CDK14: variants seen among roughly 807,000 people sequenced by gnomAD.
CDK14 encodes the protein cyclin dependent kinase 14.
Under a neutral mutation model 60.7 loss-of-function variants are expected in CDK14, and 34 were observed. That is an observed-to-expected ratio of 0.56 (90% CI 0.43 to 0.75). The LOEUF is 0.75. Among genes scored for constraint, CDK14 ranks in the 30% least tolerant of loss-of-function variants. CDK14 has a pLI of 0.00. For synonymous variants in CDK14, 197 were observed against 203.7 expected (o/e 0.97, Z 0.28); for missense variants, 482 against 564.1 (o/e 0.85, Z 1.47).
At chr7:90,613,856 A>G (rs1045943628) in intron 2 of CDK14, among the ~76,000 whole-genome samples, 3 of 151,922 alleles carry the variant, frequency 2.0e-5, no homozygotes, top group Non-Finnish European at 2.9e-5. Flanking sequence ...AAATTTTTAT[A>G]TTGCTGGGTT....
intron 5 of CDK14, among the ~76,000 whole-genome samples, chr7:90,825,595 C>T (rs375423296): frequency 2.6e-5 from 4 of 152,076 alleles, no homozygotes; most frequent in African/African-American, 7.2e-5. Flanking sequence ...AAACTGTTAT[C>T]GTGGCAGGGA....
Position 91,066,047 on chromosome 7 carries a change from G to C in CDK14, c.1106-13385G>C, listed in dbSNP as rs926588489. On this transcript the variant is annotated intron_variant, in intron 11 of 14. Transcript: ENST00000380050. ...ATGAAGCGCCCTTCAGTGTGGCCACGGCTTTTTGCTTAAATCATTGCTACT... is the reference window on the plus strand; with the variant it reads ...ATGAAGCGCCCTTCAGTGTGGCCACCGCTTTTTGCTTAAATCATTGCTACT... Among the ~76,000 whole-genome samples, 3 of 152,072 alleles carry C rather than the reference G, an allele frequency of 2.0e-5. No individual in the cohort carries two copies. In the South Asian group the frequency reaches 6.2e-4, roughly 32 times the overall value.
At chr7:90,846,590 A>C (rs767820388) in intron 5 of CDK14, among the ~76,000 whole-genome samples, 1 of 152,106 alleles carries the variant, frequency 6.6e-6, no homozygotes, top group Non-Finnish European at 1.5e-5. Flanking sequence ...TTATTTATTG[A>C]GGTAGTAAGA....
intron 5 of CDK14, among the ~76,000 whole-genome samples, chr7:90,819,208 A>G (rs1040456172): frequency 1.3e-5 from 2 of 152,206 alleles, no homozygotes; most frequent in African/African-American, 4.8e-5. Context: ...ATTTGAGATG[A>G]CAGTCAAGAA....
intron 14 of CDK14, among the ~76,000 whole-genome samples, chr7:91,149,094 A>C (rs990279044): frequency 6.6e-6 from 1 of 152,182 alleles, no homozygotes; most frequent in African/African-American, 2.4e-5. Flanking sequence ...GAATCATTGC[A>C]ATATACAAGC....
chr7:90,698,730 A>G (rs1801717831), intron 2 of CDK14, among the ~76,000 whole-genome samples: 1 of 152,204 alleles, frequency 6.6e-6, no homozygotes, highest in African/African-American at 2.4e-5. Flanking sequence ...TTGACTCTTG[A>G]TGAGTGTTCC....
At chr7:91,038,665 C>T (rs557355188) in intron 10 of CDK14, among the ~76,000 whole-genome samples, 1 of 152,310 alleles carries the variant, frequency 6.6e-6, no homozygotes, top group South Asian at 2.1e-4. Flanking sequence ...CTTGTATCCA[C>T]ACCTAAATCT....
chr7:91,172,883 T>A (rs2115812480), intron 14 of CDK14, among the ~76,000 whole-genome samples: 1 of 152,314 alleles, frequency 6.6e-6, no homozygotes, highest in African/African-American at 2.4e-5. Flanking sequence ...ATTATATGTC[T>A]CCCCCATGAA....
At chr7:90,966,381 G>T (rs1794751688) in intron 9 of CDK14, among the ~76,000 whole-genome samples, 1 of 152,112 alleles carries the variant, frequency 6.6e-6, no homozygotes, top group Non-Finnish European at 1.5e-5. Context: ...CAATTAACCG[G>T]TCAGTTCATT....
At chr7:90,843,327 T>C (rs1790362561) in intron 5 of CDK14, among the ~76,000 whole-genome samples, 1 of 152,208 alleles carries the variant, frequency 6.6e-6, no homozygotes, top group Non-Finnish European at 1.5e-5. Context: ...TATTTAAAAG[T>C]AGTGATTTAT....
chr7:90,804,951 A>C (rs954147217), intron 5 of CDK14, among the ~76,000 whole-genome samples: 2 of 152,150 alleles, frequency 1.3e-5, no homozygotes, highest in African/African-American at 2.4e-5. Flanking sequence ...ATCTTGTTTG[A>C]TTTTCACCAA....
At chr7:91,123,369 T>C (rs1158847996) in intron 14 of CDK14, among the ~76,000 whole-genome samples, 1 of 152,160 alleles carries the variant, frequency 6.6e-6, no homozygotes, top group African/African-American at 2.4e-5. Context: ...TGTTATCTCA[T>C]GTAATTGACA....
intron 5 of CDK14, among the ~76,000 whole-genome samples, chr7:90,837,278 T>C (rs961448164): frequency 6.6e-6 from 1 of 151,708 alleles, no homozygotes; most frequent in Non-Finnish European, 1.5e-5. Flanking sequence ...TAATATTTCT[T>C]TCTTTCTTTT....
intron 10 of CDK14, among the ~76,000 whole-genome samples, chr7:91,038,803 A>G (rs1274637464): frequency 6.6e-6 from 1 of 152,066 alleles, no homozygotes; most frequent in Non-Finnish European, 1.5e-5. Context: ...TGATGGTTTA[A>G]AAAATGGGAG....
At chr7:90,641,138 A>G (rs893916031) in intron 2 of CDK14, among the ~76,000 whole-genome samples, 2 of 151,816 alleles carry the variant, frequency 1.3e-5, no homozygotes, top group Non-Finnish European at 2.9e-5. Flanking sequence ...GTAATTGCAA[A>G]TGTTGGTGAG....
At chr7:90,760,456 T>C (rs1804268038) in intron 4 of CDK14, among the ~76,000 whole-genome samples, 1 of 152,224 alleles carries the variant, frequency 6.6e-6, no homozygotes, top group African/African-American at 2.4e-5. Context: ...GACTGTCATG[T>C]GGACTTCAGA....
At chr7:90,863,148 T>G (rs1458812670) in intron 5 of CDK14, 27 bp from the exon 6 acceptor site, 9 of 1,275,662 alleles carry the variant, frequency 7.1e-6, no homozygotes, top group Non-Finnish European at 1.0e-5. Context: ...CACGATAAAT[T>G]GTTTCTCTGT....
intron 2 of CDK14, among the ~76,000 whole-genome samples, chr7:90,636,280 A>G (rs1342762323): frequency 6.6e-6 from 1 of 152,142 alleles, no homozygotes; most frequent in East Asian, 1.9e-4. Flanking sequence ...TTTGTCATAG[A>G]TAGCTCTTAT....
intron 10 of CDK14, among the ~76,000 whole-genome samples, chr7:91,038,404 A>G (rs1796991787): frequency 6.6e-6 from 1 of 152,244 alleles, no homozygotes; most frequent in South Asian, 2.1e-4. Context: ...TTACTTATTA[A>G]CACTTAGAGT....
Sources: allele counts gnomAD v4.1 joint callset (sites outside exome capture counted in the v4.1 genomes callset), GRCh38; gene constraint gnomAD v4.1.1; transcripts MANE v1.5; gene names NCBI Gene and HGNC (gene_info 2026-07-23, HGNC 2026-07-21).